CEP128: variants seen among roughly 807,000 people sequenced by gnomAD.
The protein encoded by CEP128 is centrosomal protein 128kDa.
A neutral mutation model predicts 156.7 loss-of-function variants in CEP128; 132 were observed. The ratio of observed to expected loss-of-function variants is 0.84; its 90% CI spans 0.73 to 0.97. The LOEUF (loss-of-function observed/expected upper bound fraction) is 0.97, where lower values mean the gene tolerates loss of function less well. Ranked by LOEUF, CEP128 falls within the 50% of genes least tolerant of loss-of-function variation. The pLI is 0.00. For synonymous variants in CEP128, 469 were observed against 448.9 expected (o/e 1.04, Z -0.57); for missense variants, 1,252 against 1,281.9 (o/e 0.98, Z 0.36).
At chr14:80,698,547 A>G (rs1049076748) in intron 19 of CEP128, among the ~76,000 whole-genome samples, 2 of 152,134 alleles carry the variant, frequency 1.3e-5, no homozygotes, top group Non-Finnish European at 2.9e-5. Context: ...CCAATTATCA[A>G]CCTCAACTAC....
intron 21 of CEP128, among the ~76,000 whole-genome samples, chr14:80,550,903 C>T (rs1890184380): frequency 6.7e-6 from 1 of 150,290 alleles, no homozygotes; most frequent in Non-Finnish European, 1.5e-5. Context: ...TGAATTAGTT[C>T]ACATAATCAT....
chr14:80,612,754 C>T (rs1203057866), intron 19 of CEP128, among the ~76,000 whole-genome samples: 1 of 152,162 alleles, frequency 6.6e-6, no homozygotes, highest in Non-Finnish European at 1.5e-5. Flanking sequence ...ACTGAATCCT[C>T]CAGGCTAAAC....
chr14:80,502,696 A>G (rs1428278390), intron 24 of CEP128, among the ~76,000 whole-genome samples: 1 of 152,088 alleles, frequency 6.6e-6, no homozygotes, highest in African/African-American at 2.4e-5. Flanking sequence ...TATCTCTCAA[A>G]GGGTATTAAT....
At chr14:80,544,421 T>C (rs1482893224) in intron 21 of CEP128, among the ~76,000 whole-genome samples, 1 of 152,176 alleles carries the variant, frequency 6.6e-6, no homozygotes, top group African/African-American at 2.4e-5. Context: ...ACCTGCTTCC[T>C]AGCTTATGTA....
intron 19 of CEP128, among the ~76,000 whole-genome samples, chr14:80,693,632 A>G (rs1896791733): frequency 6.6e-6 from 1 of 152,224 alleles, no homozygotes; most frequent in Non-Finnish European, 1.5e-5. Context: ...AAAAAAGAGA[A>G]CAAAGAAGTT....
chr14:80,547,052 G>A (rs952660995), intron 21 of CEP128, among the ~76,000 whole-genome samples: 3 of 152,144 alleles, frequency 2.0e-5, no homozygotes, highest in African/African-American at 7.2e-5. Context: ...TCTTGTGTAA[G>A]TGGTATTACA....
At chr14:80,507,956 C>A (rs1488394433) in intron 23 of CEP128, among the ~76,000 whole-genome samples, 2 of 152,016 alleles carry the variant, frequency 1.3e-5, no homozygotes, top group African/African-American at 4.8e-5. Flanking sequence ...GCTCTGTTGC[C>A]CAGGCTGGAG....
chr14:80,491,121 T>A (rs1887308906), intron 6 of CEP128, among the ~76,000 whole-genome samples: 1 of 152,226 alleles, frequency 6.6e-6, no homozygotes, highest in Non-Finnish European at 1.5e-5. Flanking sequence ...TGGAATCTAA[T>A]CCATGAGTTT....
chr14:80,780,432 G>A (rs1333155974), intron 15 of CEP128, among the ~76,000 whole-genome samples: 2 of 152,100 alleles, frequency 1.3e-5, no homozygotes, highest in Non-Finnish European at 2.9e-5. Context: ...ACAGGAAACT[G>A]CTGGGCTCAC....
At chr14:80,831,597 A>G in intron 12 of CEP128, among the ~76,000 whole-genome samples, 1 of 151,054 alleles carries the variant, frequency 6.6e-6, no homozygotes, top group Non-Finnish European at 1.5e-5. Context: ...TCTCTACACT[A>G]TCTCCAAACA....
At chr14:80,520,194 G>A (rs753360493) in intron 23 of CEP128, among the ~76,000 whole-genome samples, 2 of 152,126 alleles carry the variant, frequency 1.3e-5, no homozygotes, top group Non-Finnish European at 2.9e-5. Flanking sequence ...GGAAGCTTGC[G>A]GATCGCCTGA....
chr14:80,500,384 A>G (rs544428370), intron 24 of CEP128, among the ~76,000 whole-genome samples: 2 of 152,298 alleles, frequency 1.3e-5, no homozygotes, highest in South Asian at 4.1e-4. Context: ...ATGTCTGCCT[A>G]AGGACCTATG....
At chr14:80,957,830 G>A (rs1886784175) in intron 2 of CEP128, 2 of 152,194 alleles carry the variant, frequency 1.3e-5, no homozygotes, top group South Asian at 4.1e-4. Context: ...GTTCAACTAG[G>A]TGCTTTCTAG....
intron 22 of CEP128, among the ~76,000 whole-genome samples, chr14:80,530,496 T>C (rs1356505552): frequency 6.6e-6 from 1 of 152,238 alleles, no homozygotes; most frequent in South Asian, 2.1e-4. Flanking sequence ...AAGTTATCTA[T>C]TGTCAGTGTA....
intron 19 of CEP128, among the ~76,000 whole-genome samples, chr14:80,627,711 C>G (rs868370510): frequency 2.6e-4 from 38 of 148,732 alleles, no homozygotes; most frequent in African/African-American, 9.3e-4. Context: ...TTAGAAAGTC[C>G]ATTTTTATTT....
At chr14:80,626,007 T>TGAATAATCAGCCCCAAA (rs1305727985) in intron 19 of CEP128, among the ~76,000 whole-genome samples, 1 of 152,182 alleles carries the variant, frequency 6.6e-6, no homozygotes, top group Non-Finnish European at 1.5e-5. Context: ...ACTGGTATAT[T>TGAATAATCAGCCCCAAA]GAATAATCAG....
chr14:80,726,755 A>G (rs1898034472), intron 19 of CEP128, among the ~76,000 whole-genome samples: 2 of 152,220 alleles, frequency 1.3e-5, no homozygotes, highest in Non-Finnish European at 2.9e-5. Context: ...ACTTCTGCCT[A>G]GCTAATAATA....
rs374578336 is a variant in CEP128, at chr14:80,785,101, T to C, written c.2005A>G (p.Thr669Ala). The change falls in exon 15 of 25, where the codon ACT becomes GCT. Residue 669 changes from threonine to alanine, a missense_variant. Thr to Ala is a moderately conservative substitution (Grantham distance 58). Transcript: ENST00000555265. ...TCATCCCTGGATTTTGCCTGTGCAG[T>C]GAGGTCAGAAAGGTCCTTAAGCACT... is the stretch of plus-strand genomic sequence containing the variant. ...KAVLKDLSDL[T>A]AQAKSRDEET... 9.2e-5 allele frequency: 149 copies of C among 1,614,084 alleles called. No individual in the cohort carries two copies. Among genetic ancestry groups the C allele is most frequent in the Non-Finnish European group, 1.2e-4 (143 of 1,180,008 alleles).
At chr14:80,896,092 C>T (rs11627934) in intron 7 of CEP128, among the ~76,000 whole-genome samples, 61,974 of 151,836 alleles carry the variant, frequency 0.41, 13,011 homozygotes, top group South Asian at 0.51. Flanking sequence ...ACCGCTGCTA[C>T]GCTGGAACAT....
Sources: gnomAD v4.1 joint callset for allele counts (sites outside exome capture counted in the v4.1 genomes callset) on GRCh38, gnomAD v4.1.1 for gene constraint, MANE v1.5 for transcripts, NCBI Gene and HGNC (gene_info 2026-07-23, HGNC 2026-07-21) for gene names.